SCN8A: variants seen among roughly 807,000 people sequenced by gnomAD.
SCN8A encodes sodium channel protein type 8 subunit alpha.
In SCN8A, 30 loss-of-function variants were observed where a neutral mutation model predicts 184.1. The observed-to-expected ratio is 0.16, with a 90% CI of 0.12 to 0.22. The LOEUF is 0.22. Ranked by LOEUF, SCN8A falls within the 10% of genes least tolerant of loss-of-function variation. The pLI is 1.00. For synonymous variants in SCN8A, 852 were observed against 907.0 expected (o/e 0.94, Z 1.09); for missense variants, 1,057 against 2,498.9 (o/e 0.42, Z 12.30).
intron 2 of SCN8A, among the ~76,000 whole-genome samples, chr12:51,679,332 G>A (rs978619330): frequency 2.0e-5 from 3 of 152,220 alleles, no homozygotes; most frequent in Non-Finnish European, 2.9e-5. Context: ...TAATATTAGT[G>A]TATCCCCTGG....
intron 1 of SCN8A, among the ~76,000 whole-genome samples, chr12:51,605,251 T>C (rs1377065934): frequency 6.6e-6 from 1 of 151,988 alleles, no homozygotes; most frequent in Non-Finnish European, 1.5e-5. Context: ...TTGTAGTCTT[T>C]TATCCCCTGC....
intron 14 of SCN8A, among the ~76,000 whole-genome samples, chr12:51,758,984 ATG>A (rs199584412): frequency 1.0e-4 from 15 of 150,092 alleles, no homozygotes; most frequent in African/African-American, 3.7e-4. Flanking sequence ...ATGTATGTAT[ATG>A]TGTGTGTGTG....
At chr12:51,757,823 T>C (rs1341019027) in intron 14 of SCN8A, among the ~76,000 whole-genome samples, 1 of 152,132 alleles carries the variant, frequency 6.6e-6, no homozygotes, top group African/African-American at 2.4e-5. Flanking sequence ...ACTAGAAAGA[T>C]ATGATGACTG....
intron 2 of SCN8A, among the ~76,000 whole-genome samples, chr12:51,669,438 A>G (rs924691998): frequency 1.3e-5 from 2 of 152,164 alleles, no homozygotes; most frequent in Non-Finnish European, 2.9e-5. Flanking sequence ...AGCTGTGGCG[A>G]ACTACTTCCT....
intron 14 of SCN8A, 136 bp from the exon 15 acceptor site, chr12:51,762,367 T>G (rs1254436548): frequency 9.0e-6 from 7 of 780,626 alleles, no homozygotes; most frequent in Non-Finnish European, 1.4e-5. Flanking sequence ...GACATCCAGG[T>G]ATTGATATCT....
intron 11 of SCN8A, among the ~76,000 whole-genome samples, chr12:51,717,289 G>C (rs1374784626): frequency 6.6e-6 from 1 of 152,176 alleles, no homozygotes; most frequent in Admixed American, 6.5e-5. Context: ...ACATTGTTTA[G>C]AGCAGTGTTT....
chr12:51,788,808 G>A (rs1938161853), intron 23 of SCN8A, 60 bp downstream of exon 23: 2 of 1,476,416 alleles, frequency 1.4e-6, no homozygotes, highest in African/African-American at 1.4e-5. Context: ...AAGCAGCATG[G>A]TATACCGAGC....
At chr12:51,726,033 A>T (rs1353000433) in intron 12 of SCN8A, among the ~76,000 whole-genome samples, 1 of 152,230 alleles carries the variant, frequency 6.6e-6, no homozygotes, top group East Asian at 1.9e-4. Flanking sequence ...TTTTTCCTTC[A>T]GGCTTAAATT....
chr12:51,764,697 A>G (rs1329872098), intron 15 of SCN8A, among the ~76,000 whole-genome samples: 1 of 152,100 alleles, frequency 6.6e-6, no homozygotes, highest in African/African-American at 2.4e-5. Context: ...TCTTGTGATT[A>G]TTTATTACAG....
intron 1 of SCN8A, among the ~76,000 whole-genome samples, chr12:51,659,684 G>C (rs1349086426): frequency 6.6e-6 from 1 of 152,150 alleles, no homozygotes; most frequent in Admixed American, 6.5e-5. Flanking sequence ...ATGCCTGGTG[G>C]ACTGAGGGCT....
chr12:51,743,553 C>T (rs144359526), intron 12 of SCN8A, among the ~76,000 whole-genome samples: 14 of 152,304 alleles, frequency 9.2e-5, no homozygotes, highest in South Asian at 2.1e-4. Context: ...TGTGCTGAGC[C>T]ACCTTGAACT....
In SCN8A at chr12:51,808,525, T is replaced by A. The variant is rs1319797809; in HGVS notation, c.*1096T>A. 6.6e-6 allele frequency: 1 copy of A among 152,556 alleles called. No homozygotes were observed. The highest frequency in any genetic ancestry group is 1.5e-5 in the Non-Finnish European group (1 of 68,006). 9.5% of individuals were successfully genotyped at this position (152,556 alleles called of 1,614,324 possible). A position where few individuals can be genotyped will look rare whatever the true frequency, so the allele number is the denominator to read the frequency against. On this transcript the variant is annotated 3_prime_UTR_variant, in exon 27 of 27. Transcript: ENST00000627620. ...CAAATCCTAGGGCTAAAAAAAAAAT[T>A]CATTTGTATCTTGCAATATTTATGA...
chr12:51,596,124 A>G (rs1282657205), intron 1 of SCN8A, among the ~76,000 whole-genome samples: 3 of 152,068 alleles, frequency 2.0e-5, no homozygotes, highest in Non-Finnish European at 4.4e-5. Context: ...CTTGAGCTGG[A>G]TTTTTACATT....
chr12:51,779,382 T>TA (rs1465158542), intron 20 of SCN8A, among the ~76,000 whole-genome samples: 1 of 152,182 alleles, frequency 6.6e-6, no homozygotes, highest in Non-Finnish European at 1.5e-5. Context: ...AGCATCGTGG[T>TA]AACTGCTCTG....
chr12:51,751,115 G>A (rs1357208337), intron 13 of SCN8A, among the ~76,000 whole-genome samples: 1 of 152,118 alleles, frequency 6.6e-6, no homozygotes, highest in African/African-American at 2.4e-5. Flanking sequence ...CTCTGTGCTC[G>A]ACTCCCATAA....
At position 51,807,237 on chromosome 12, in the gene SCN8A, C is replaced by T; in HGVS notation, c.5751C>T (p.Cys1917=). ...ATTTGGCAAGGCGGGGCTTCATCTG[C>T]AAAAAGACAACTTCTAATAAGCTGG... ...RGHLARRGFI[C]KKTTSNKLEN... The change falls in exon 27 of 27, where the codon TGC becomes TGT. Residue 1917 remains cysteine, a synonymous_variant. Coordinates refer to ENST00000627620, the MANE Select transcript of SCN8A (RefSeq NM_001330260.2). This position sits in a 1 kb window ranked among gnomAD's most constrained non-coding sequence, Gnocchi z 4.5. 6.2e-7 allele frequency: 1 copy of T among 1,613,890 alleles called. No individual in the cohort carries two copies. The highest frequency in any genetic ancestry group is 1.1e-5 in the South Asian group (1 of 91,066).
intron 11 of SCN8A, among the ~76,000 whole-genome samples, chr12:51,720,310 A>G (rs1309287596): frequency 1.3e-5 from 2 of 150,842 alleles, no homozygotes; most frequent in Non-Finnish European, 1.5e-5. Context: ...TTGTAGGGAC[A>G]TGGATGAGGC....
chr12:51,644,998 C>T (rs1940538959), intron 1 of SCN8A, among the ~76,000 whole-genome samples: 1 of 151,966 alleles, frequency 6.6e-6, no homozygotes, highest in Admixed American at 6.5e-5. Flanking sequence ...AGCATCTCCG[C>T]CCGGCAGCCA....
chr12:51,713,871 T>C (rs1941922586), intron 11 of SCN8A, among the ~76,000 whole-genome samples: 1 of 151,478 alleles, frequency 6.6e-6, no homozygotes, highest in Non-Finnish European at 1.5e-5. Context: ...AATTAAAAAA[T>C]ATTTACTAAT....
Sources: gnomAD v4.1 joint callset for allele counts (sites outside exome capture counted in the v4.1 genomes callset) on GRCh38, gnomAD v4.1.1 for gene constraint, Gnocchi (gnomAD v3.1) non-coding constraint, MANE v1.5 for transcripts, NCBI Gene and HGNC (gene_info 2026-07-23, HGNC 2026-07-21) for gene names.